RANBP2: variants seen among roughly 807,000 people sequenced by gnomAD.
RANBP2 encodes E3 SUMO-protein ligase RanBP2.
A neutral mutation model predicts 303.6 loss-of-function variants in RANBP2; 57 were observed. The observed-to-expected ratio is 0.19, with a 90% CI of 0.15 to 0.23. RANBP2 has a LOEUF of 0.23. RANBP2 is among the 10% of genes least tolerant of loss of function. The pLI, the probability that RANBP2 is intolerant of heterozygous loss-of-function variation, is 1.00. For synonymous variants in RANBP2, 1,167 were observed against 1,301.5 expected (o/e 0.90, Z 2.23); for missense variants, 3,138 against 3,780.8 (o/e 0.83, Z 4.46).
the RANBP2 span, among the ~76,000 whole-genome samples, chr2:109,350,358 G>T: frequency 3.3e-5 from 5 of 152,190 alleles, no homozygotes; most frequent in South Asian, 8.3e-4. Flanking sequence ...AGACAAGGGG[G>T]AAGTGTCATA....
chr2:108,798,335 C>T, the RANBP2 span: 2 of 1,423,858 alleles, frequency 1.4e-6, no homozygotes, highest in African/African-American at 1.4e-5. Context: ...TTCCTGAAAA[C>T]CACTTGGTTA....
At chr2:109,536,821 T>C in the RANBP2 span, among the ~76,000 whole-genome samples, 1 of 152,138 alleles carries the variant, frequency 6.6e-6, no homozygotes, top group African/African-American at 2.4e-5. Flanking sequence ...GTTCTCATGA[T>C]AGTAAATAAG....
chr2:109,398,727 G>A, the RANBP2 span: 3 of 1,613,282 alleles, frequency 1.9e-6, no homozygotes, highest in Non-Finnish European at 2.5e-6. Context: ...GCAGCTCAGG[G>A]GCGGTCAGTG....
At chr2:109,056,822 A>T in the RANBP2 span, among the ~76,000 whole-genome samples, 1 of 152,228 alleles carries the variant, frequency 6.6e-6, no homozygotes, top group Non-Finnish European at 1.5e-5. Flanking sequence ...CCTTGGAAGC[A>T]CTGAGTGAAT....
chr2:109,480,019 G>C, the RANBP2 span, among the ~76,000 whole-genome samples: 1 of 152,214 alleles, frequency 6.6e-6, no homozygotes, highest in Non-Finnish European at 1.5e-5. Context: ...GAGGGAAGCA[G>C]TGGTTTCAAC....
At chr2:109,125,970 G>A in the RANBP2 span, among the ~76,000 whole-genome samples, 2 of 152,172 alleles carry the variant, frequency 1.3e-5, no homozygotes, top group Non-Finnish European at 2.9e-5. Flanking sequence ...GAACTAAATC[G>A]GTTGCCAACT....
At chr2:109,449,651 CA>C in the RANBP2 span, among the ~76,000 whole-genome samples, 1 of 152,214 alleles carries the variant, frequency 6.6e-6, no homozygotes. Flanking sequence ...GGAGCCAAAC[CA>C]CCAGAGCAGC....
At chr2:109,730,898 C>T in the RANBP2 span, among the ~76,000 whole-genome samples, 3 of 149,930 alleles carry the variant, frequency 2.0e-5, no homozygotes, top group Non-Finnish European at 4.4e-5. Flanking sequence ...AAGCGATTCT[C>T]CTGCCTCAGC....
the RANBP2 span, among the ~76,000 whole-genome samples, chr2:109,441,320 C>A: frequency 6.6e-6 from 1 of 152,152 alleles, no homozygotes; most frequent in African/African-American, 2.4e-5. Flanking sequence ...ATTACAGTTG[C>A]CTTTCACATA....
the RANBP2 span, among the ~76,000 whole-genome samples, chr2:108,809,116 A>G: frequency 6.6e-6 from 1 of 152,174 alleles, no homozygotes; most frequent in Non-Finnish European, 1.5e-5. Flanking sequence ...GTAGAAAATC[A>G]GTTGGCTGTA....
chr2:109,761,425 A>C, the RANBP2 span, among the ~76,000 whole-genome samples: 1 of 146,574 alleles, frequency 6.8e-6, no homozygotes, highest in Non-Finnish European at 1.5e-5. Context: ...TCACAGTTGC[A>C]CTCCTCCTCC....
chr2:109,551,797 C>CTTCAAGAAATCATGTATT, the RANBP2 span, among the ~76,000 whole-genome samples: 1 of 152,174 alleles, frequency 6.6e-6, no homozygotes, highest in Admixed American at 6.5e-5. Flanking sequence ...CAGATTAACT[C>CTTCAAGAAATCATGTATT]TTCAAGAAAT....
At position 108,745,126 on chromosome 2, in the gene RANBP2, T is replaced by A. The variant is rs1367930908; in HGVS notation, c.976-1585T>A. Among the ~76,000 whole-genome samples the A allele has an allele frequency of 4.6e-5, 7 of 152,178 alleles. No individual in the cohort carries two copies. The South Asian group carries it at 1.5e-3, about 32-fold the overall frequency. ...CATTAGCTGGCTTTTACTTTTTTTT[T>A]TTTTTAATGCTACTTCAAGTAATTT... is the stretch of plus-strand genomic sequence containing the variant. On this transcript the variant is annotated intron_variant, in intron 7 of 28. Transcript: ENST00000283195.
At chr2:109,045,203 AAG>A in the RANBP2 span, among the ~76,000 whole-genome samples, 2 of 152,222 alleles carry the variant, frequency 1.3e-5, no homozygotes, top group Admixed American at 1.3e-4. Context: ...AAGAAGGACA[AAG>A]AGGGTATTCT....
chr2:109,518,135 C>CA, the RANBP2 span, among the ~76,000 whole-genome samples: 2 of 152,260 alleles, frequency 1.3e-5, no homozygotes, highest in Non-Finnish European at 2.9e-5. Flanking sequence ...CTTGCAACAA[C>CA]AACTCACAGG....
At chr2:109,468,330 G>A in the RANBP2 span, among the ~76,000 whole-genome samples, 1 of 152,178 alleles carries the variant, frequency 6.6e-6, no homozygotes, top group Non-Finnish European at 1.5e-5. Flanking sequence ...ACATAGGAAG[G>A]GGAATGCGTT....
chr2:109,665,127 T>C, the RANBP2 span: 1 of 152,182 alleles, frequency 6.6e-6, no homozygotes, highest in African/African-American at 2.4e-5. Context: ...TGGGAACAAA[T>C]TGAAATTGCA....
At chr2:109,639,348 C>T in the RANBP2 span, among the ~76,000 whole-genome samples, 8 of 152,122 alleles carry the variant, frequency 5.3e-5, no homozygotes, top group African/African-American at 1.7e-4. Flanking sequence ...CAGCTGGACG[C>T]GGTGGCTCAC....
the RANBP2 span, among the ~76,000 whole-genome samples, chr2:109,256,603 C>T: frequency 6.6e-6 from 1 of 152,102 alleles, no homozygotes; most frequent in African/African-American, 2.4e-5. Context: ...CTGAGAGCTT[C>T]GAGGGGATTT....
Sources: gnomAD v4.1 joint callset for allele counts (sites outside exome capture counted in the v4.1 genomes callset) on GRCh38, gnomAD v4.1.1 for gene constraint, MANE v1.5 for transcripts, NCBI Gene and HGNC (gene_info 2026-07-23, HGNC 2026-07-21) for gene names.